Variants in SAMD7 observed in about 807,000 individuals in gnomAD.
SAMD7 encodes the protein sterile alpha motif domain-containing protein 7.
A neutral mutation model predicts 36.7 loss-of-function variants in SAMD7; 34 were observed. That is an observed-to-expected ratio of 0.93 (90% confidence interval 0.71 to 1.23). The LOEUF (loss-of-function observed/expected upper bound fraction) is 1.23, where lower values mean the gene tolerates loss of function less well. SAMD7 is among the 50% of genes most tolerant of loss of function. The pLI is 0.00. For synonymous variants in SAMD7, 188 were observed against 189.7 expected (o/e 0.99, Z 0.07); for missense variants, 570 against 546.6 (o/e 1.04, Z -0.43).
At chr3:169,935,476 A>T (rs924974714) in intron 7 of SAMD7, among the ~76,000 whole-genome samples, 13 of 152,004 alleles carry the variant, frequency 8.6e-5, no homozygotes, top group African/African-American at 2.9e-4. Flanking sequence ...GGGAGTTCTT[A>T]TCTACTGGTT....
At chr3:169,938,199 A>G (rs1713790622) in intron 8 of SAMD7, 119 bp from the exon 9 acceptor site, 19 of 658,894 alleles carry the variant, frequency 2.9e-5, no homozygotes, top group South Asian at 2.7e-4. Context: ...CCCCACAACT[A>G]TATGTTAATA....
chr3:169,917,691 G>A (rs1250316309), intron 2 of SAMD7, among the ~76,000 whole-genome samples: 2 of 151,250 alleles, frequency 1.3e-5, no homozygotes, highest in Middle Eastern at 3.4e-3. Context: ...ACCCAGGCTG[G>A]AGTGCAGTTG....
At chr3:169,920,575 C>T (rs17289425) in intron 3 of SAMD7, among the ~76,000 whole-genome samples, 5,166 of 152,222 alleles carry the variant, frequency 0.034, 137 homozygotes, top group South Asian at 0.1. Flanking sequence ...AACTGGGTAC[C>T]CTGGATTTCC....
intron 7 of SAMD7, 32 bp from the exon 8 acceptor site, chr3:169,936,307 A>G (rs76313862): frequency 0.12 from 163,460 of 1,336,496 alleles, 11,656 homozygotes; most frequent in South Asian, 0.14. Flanking sequence ...AAAGACATTC[A>G]GACAGAGTTA....
At chr3:169,921,468 G>A in intron 4 of SAMD7, 130 bp downstream of exon 4, 2 of 851,404 alleles carry the variant, frequency 2.3e-6, no homozygotes, top group South Asian at 1.7e-5. Flanking sequence ...TGCAGTCTCT[G>A]TAGTCACCAC....
intron 2 of SAMD7, among the ~76,000 whole-genome samples, chr3:169,918,637 G>A (rs1030027804): frequency 6.6e-6 from 1 of 152,118 alleles, no homozygotes; most frequent in Non-Finnish European, 1.5e-5. Context: ...TGTAAACTTG[G>A]CTGTAATTTG....
chr3:169,932,113 G>T, intron 7 of SAMD7: 1 of 524,732 alleles, frequency 1.9e-6, no homozygotes, highest in South Asian at 2.3e-5. Flanking sequence ...TTCACTACTT[G>T]ATCCCCTGAG....
At chr3:169,929,580 T>C (rs1364668697) in intron 7 of SAMD7, among the ~76,000 whole-genome samples, 1 of 152,218 alleles carries the variant, frequency 6.6e-6, no homozygotes, top group African/African-American at 2.4e-5. Context: ...CAAATTCAAA[T>C]CCTGGCTTTT....
intron 1 of SAMD7, among the ~76,000 whole-genome samples, chr3:169,914,820 T>A (rs1712731424): frequency 6.6e-6 from 1 of 152,142 alleles, no homozygotes; most frequent in Non-Finnish European, 1.5e-5. Context: ...CAGAGCCTCA[T>A]ATAGATATGC....
chr3:169,926,378 C>A, intron 5 of SAMD7, 175 bp from the exon 6 acceptor site: 1 of 1,186,902 alleles, frequency 8.4e-7, no homozygotes, highest in Non-Finnish European at 1.1e-6. Flanking sequence ...TCAGACAAAG[C>A]TTCAGATCTT....
rs61311120 is a variant in SAMD7, at chr3:169,917,625, GTTTA to G, written c.-41-1805_-41-1802del. The stretch of plus-strand genomic sequence containing the variant: ...TAGTTATTTTTATTTTTATTTGTTT[GTTTA>G]TTTATTTATTTATTTATTTATTTAT... On this transcript the variant is annotated intron_variant, in intron 2 of 8. Transcript: ENST00000335556. 2.6e-3 allele frequency among the ~76,000 whole-genome samples: 373 copies of G among 146,118 alleles called. 2 individuals are homozygous for G. The highest frequency in any genetic ancestry group is 9.6e-3 in the South Asian group (45 of 4,676).
chr3:169,934,402 A>T (rs1332690497), intron 7 of SAMD7, among the ~76,000 whole-genome samples: 1 of 152,090 alleles, frequency 6.6e-6, no homozygotes, highest in Non-Finnish European at 1.5e-5. Flanking sequence ...CCCTTCCGGA[A>T]CACCACATGG....
chr3:169,921,282 C>G lies in SAMD7; in HGVS notation c.155C>G (p.Ser52Cys), dbSNP rs775356916. 3.7e-6 allele frequency: 6 copies of G among 1,613,930 alleles called. No homozygotes were observed. The East Asian group carries it at 1.3e-4, about 36-fold the overall frequency. ...RQFCVPSQFGSSVLPNTNMAN... is the reference protein window; with the variant it reads ...RQFCVPSQFGCSVLPNTNMAN... ...TTTTGCGTTCCTTCCCAATTTGGAT[C>G]CTCTGTTCTACCAAACACAAATATG... The change falls in exon 4 of 9, where the codon TCC becomes TGC. Residue 52 changes from serine to cysteine, a missense_variant. Coordinates refer to ENST00000335556, the MANE Select transcript of SAMD7 (RefSeq NM_001304366.2).
intron 7 of SAMD7, chr3:169,932,013 C>A: frequency 1.4e-6 from 1 of 708,578 alleles, no homozygotes; most frequent in Non-Finnish European, 2.1e-6. Context: ...GCTAAAGCAG[C>A]GAGTCATGCT....
intron 4 of SAMD7, among the ~76,000 whole-genome samples, chr3:169,922,306 C>G (rs1713077016): frequency 6.6e-6 from 1 of 152,152 alleles, no homozygotes; most frequent in South Asian, 2.1e-4. Flanking sequence ...AAAGGAGCAT[C>G]TCTGGAACCC....
intron 1 of SAMD7, among the ~76,000 whole-genome samples, chr3:169,915,165 G>A (rs575584908): frequency 6.6e-6 from 1 of 152,320 alleles, no homozygotes; most frequent in Admixed American, 6.5e-5. Flanking sequence ...CCTTCATGAG[G>A]ACAATTCTGA....
At chr3:169,921,152 C>A in intron 3 of SAMD7, 62 bp from the exon 4 acceptor site, 2 of 1,474,172 alleles carry the variant, frequency 1.4e-6, no homozygotes, top group Non-Finnish European at 9.5e-7. Context: ...TTGTCTCAGC[C>A]ATGGAAATTG....
intron 8 of SAMD7, among the ~76,000 whole-genome samples, chr3:169,937,262 T>C (rs993848557): frequency 2.6e-5 from 4 of 152,172 alleles, no homozygotes; most frequent in African/African-American, 9.7e-5. Context: ...TTTTTAATTT[T>C]AATTTTTATT....
rs115323462 is a variant in SAMD7, at chr3:169,926,794, G to A, written c.532G>A (p.Gly178Arg). 8.7e-5 allele frequency: 141 copies of A among 1,613,884 alleles called. No individual in the cohort carries two copies. The African/African-American group carries it at 1.7e-3, about 19-fold the overall frequency. The part of the protein sequence containing the change: ...ATAPHFEESW[G>R]QRCRRLRKNT... ...TGCACCACACTTTGAGGAGAGCTGG[G>A]GGCAGAGATGTCGTCGACTCAGGAA... is the stretch of plus-strand genomic sequence containing the variant. The change falls in exon 6 of 9, where the codon GGG (glycine) becomes AGG (arginine). Residue 178 changes from glycine (G) to arginine (R), a missense_variant. Gly to Arg is a moderately radical substitution (Grantham distance 125, BLOSUM62 -2). Coordinates refer to ENST00000335556, the MANE Select transcript of SAMD7 (RefSeq NM_001304366.2).
Sources: allele counts gnomAD v4.1 joint callset (sites outside exome capture counted in the v4.1 genomes callset), GRCh38; gene constraint gnomAD v4.1.1; transcripts MANE v1.5; gene names NCBI Gene and HGNC (gene_info 2026-07-23, HGNC 2026-07-21).